The following ARB2A variants were observed in gnomAD, a reference collection of about 807,000 sequenced individuals.
ARB2A encodes ARB2 cotranscriptional regulator A, also known as cotranscriptional regulator ARB2A.
At chr5:93,763,122 G>A in the ARB2A span, among the ~76,000 whole-genome samples, 159 of 152,010 alleles carry the variant, frequency 1.0e-3, no homozygotes, top group Non-Finnish European at 2.0e-3. Context: ...TCGAGACTAG[G>A]AAGAAACTGC....
At chr5:93,807,731 A>T in the ARB2A span, among the ~76,000 whole-genome samples, 2 of 152,050 alleles carry the variant, frequency 1.3e-5, no homozygotes, top group Non-Finnish European at 1.5e-5. Context: ...GATAACTGGC[A>T]TATACTCTAG....
At chr5:93,908,675 T>G in the ARB2A span, among the ~76,000 whole-genome samples, 3 of 149,948 alleles carry the variant, frequency 2.0e-5, no homozygotes, top group Middle Eastern at 3.6e-3. Flanking sequence ...AATGATAAAG[T>G]TTTTTTTTAC....
the ARB2A span, among the ~76,000 whole-genome samples, chr5:93,729,108 CTCTG>C: frequency 2.0e-5 from 3 of 152,002 alleles, no homozygotes; most frequent in African/African-American, 7.2e-5. Context: ...CTCTCTTGCT[CTCTG>C]TCTGTCTTTC....
chr5:93,801,098 T>C, the ARB2A span, among the ~76,000 whole-genome samples: 3 of 152,132 alleles, frequency 2.0e-5, no homozygotes, highest in Non-Finnish European at 4.4e-5. Context: ...ACACTAACTC[T>C]TGAATGCTTT....
chr5:93,954,633 C>T, the ARB2A span, among the ~76,000 whole-genome samples: 6 of 151,976 alleles, frequency 3.9e-5, no homozygotes, highest in South Asian at 1.2e-3. Context: ...GCTGCCCTGG[C>T]TGGTATCTCA....
chr5:93,623,241 C>CAA, the ARB2A span, among the ~76,000 whole-genome samples: 1 of 145,406 alleles, frequency 6.9e-6, no homozygotes, highest in Admixed American at 7.1e-5. Context: ...CACCCACCCC[C>CAA]AAATACAATA....
chr5:94,048,356 T>G, the ARB2A span, among the ~76,000 whole-genome samples: 1 of 151,910 alleles, frequency 6.6e-6, no homozygotes, highest in Non-Finnish European at 1.5e-5. Context: ...CCTGGCCAGG[T>G]AAGCTTTTTT....
At chr5:94,087,219 T>C in the ARB2A span, among the ~76,000 whole-genome samples, 1 of 152,176 alleles carries the variant, frequency 6.6e-6, no homozygotes. Context: ...CTGAACAATA[T>C]GTGTTTTAAG....
chr5:93,918,211 CT>C, the ARB2A span, among the ~76,000 whole-genome samples: 1 of 152,104 alleles, frequency 6.6e-6, no homozygotes, highest in East Asian at 1.9e-4. Flanking sequence ...ACCTTTCCAA[CT>C]TTTGTCAGTG....
the ARB2A span, among the ~76,000 whole-genome samples, chr5:94,075,718 A>G: frequency 6.6e-6 from 1 of 152,194 alleles, no homozygotes; most frequent in Non-Finnish European, 1.5e-5. Context: ...TTTTATAATT[A>G]TCTTTAAAAA....
At chr5:94,072,743 A>G in the ARB2A span, among the ~76,000 whole-genome samples, 13 of 152,128 alleles carry the variant, frequency 8.5e-5, no homozygotes, top group African/African-American at 2.9e-4. Flanking sequence ...GGAAAAAGTA[A>G]TATTTTTAAG....
the ARB2A span, among the ~76,000 whole-genome samples, chr5:93,868,593 A>T: frequency 6.6e-6 from 1 of 152,216 alleles, no homozygotes; most frequent in South Asian, 2.1e-4. Flanking sequence ...GATTCCCTAT[A>T]GTAAACAAAG....
the ARB2A span, among the ~76,000 whole-genome samples, chr5:93,913,878 T>G: frequency 6.6e-6 from 1 of 152,036 alleles, no homozygotes; most frequent in Non-Finnish European, 1.5e-5. Context: ...CATTGAATAA[T>G]TTTAATCACA....
At chr5:93,979,818 T>A in the ARB2A span, among the ~76,000 whole-genome samples, 1 of 152,070 alleles carries the variant, frequency 6.6e-6, no homozygotes, top group Non-Finnish European at 1.5e-5. Flanking sequence ...TTTCTCACTC[T>A]CTGGTATAAA....
chr5:93,786,799 G>T, the ARB2A span, among the ~76,000 whole-genome samples: 1 of 152,240 alleles, frequency 6.6e-6, no homozygotes, highest in South Asian at 2.1e-4. Context: ...AATGAGTACT[G>T]ATGAAAAATA....
chr5:93,858,222 G>A, the ARB2A span, among the ~76,000 whole-genome samples: 3 of 152,190 alleles, frequency 2.0e-5, no homozygotes, highest in Non-Finnish European at 2.9e-5. Flanking sequence ...TCAGAACCCA[G>A]GGTTCTTACT....
At chr5:93,882,244 G>T in the ARB2A span, among the ~76,000 whole-genome samples, 2 of 151,186 alleles carry the variant, frequency 1.3e-5, no homozygotes, top group Non-Finnish European at 3.0e-5. Flanking sequence ...TTATTATAAA[G>T]ACATAACATC....
At chr5:94,020,494 G>GTAA in the ARB2A span, among the ~76,000 whole-genome samples, 1 of 152,206 alleles carries the variant, frequency 6.6e-6, no homozygotes, top group East Asian at 1.9e-4. Context: ...AAGATCCAAG[G>GTAA]GCCTGCCCAA....
chr5:94,038,813 A>G, the ARB2A span, among the ~76,000 whole-genome samples: 1 of 151,924 alleles, frequency 6.6e-6, no homozygotes, highest in African/African-American at 2.4e-5. Flanking sequence ...AAATACTAAA[A>G]AAAAAAAAAA....
Sources: allele counts gnomAD v4.1 joint callset (sites outside exome capture counted in the v4.1 genomes callset), GRCh38; gene constraint gnomAD v4.1.1; transcripts MANE v1.5; gene names NCBI Gene and HGNC (gene_info 2026-07-23, HGNC 2026-07-21).